Variants in WDR4 observed in about 807,000 individuals in gnomAD.
WDR4 encodes the protein WDR4 tRNA N7-guanosine methyltransferase non-catalytic subunit.
WDR4 carries 47 observed loss-of-function variants against 48.6 expected under a neutral mutation model. The ratio of observed to expected loss-of-function variants is 0.97; its 90% CI spans 0.77 to 1.23. WDR4 has a LOEUF of 1.23. Among genes scored for constraint, WDR4 ranks in the 50% most tolerant of loss-of-function variants. The pLI, the probability that WDR4 is intolerant of heterozygous loss-of-function variation, is 0.00. For missense variants in WDR4, 606 were observed against 551.6 expected, an observed-to-expected ratio of 1.10 and a Z score of -0.99; for synonymous variants, 268 against 230.0, an observed-to-expected ratio of 1.17 and a Z score of -1.49.
the WDR4 span, among the ~76,000 whole-genome samples, chr21:42,884,995 C>T: frequency 1.1e-4 from 17 of 152,106 alleles, no homozygotes; most frequent in African/African-American, 3.9e-4. Flanking sequence ...AGGCTGGTCT[C>T]GAATGCCTGA....
At chr21:42,865,307 G>A (rs1043838012) in intron 3 of WDR4, among the ~76,000 whole-genome samples, 5 of 152,208 alleles carry the variant, frequency 3.3e-5, no homozygotes, top group Non-Finnish European at 7.3e-5. Context: ...GCCCTGCACT[G>A]CACCAGCGAC....
chr21:42,845,108 A>G (rs140134037), downstream of WDR4, among the ~76,000 whole-genome samples: 45 of 152,350 alleles, frequency 3.0e-4, no homozygotes, highest in African/African-American at 1.1e-3. Flanking sequence ...GGGGCCACAC[A>G]TATCTGCACG....
At chr21:42,859,743 G>T (rs1194683251) in intron 5 of WDR4, 21 bp from the exon 6 acceptor site, 1 of 1,553,770 alleles carries the variant, frequency 6.4e-7, no homozygotes, top group Non-Finnish European at 8.7e-7. Flanking sequence ...GAGAGAGAGC[G>T]GCAGAGTCAG....
At chr21:42,876,014 G>C (rs1215325652) in intron 2 of WDR4, among the ~76,000 whole-genome samples, 1 of 143,064 alleles carries the variant, frequency 7.0e-6, no homozygotes, top group African/African-American at 2.7e-5. Context: ...CCGCCTCCTA[G>C]GTTCAAGTGA....
chr21:42,863,440 C>A lies in WDR4; in HGVS notation c.453G>T (p.Val151=). The change falls in exon 4 of 11, where the codon GTG becomes GTT. Residue 151 remains valine (V), a splice_region_variant and synonymous_variant. Coordinates refer to ENST00000398208, the MANE Select transcript of WDR4 (RefSeq NM_018669.6). ...ELGHLSMLLD[V]AVSPDDRFIL... is the part of the protein sequence containing the mutation. ...CCCACCTACCACGTCCCCCACCTACCACATCTAACAGCATAGACAGGTGCC... is the reference window on the plus strand; with the variant it reads ...CCCACCTACCACGTCCCCCACCTACAACATCTAACAGCATAGACAGGTGCC... 1 of 1,608,050 alleles carries A rather than the reference C, an allele frequency of 6.2e-7. No individual in the cohort carries two copies. The highest frequency in any genetic ancestry group is 2.2e-5 in the East Asian group (1 of 44,678).
intron 8 of WDR4, 47 bp from the exon 9 acceptor site, chr21:42,853,799 G>GA: frequency 1.3e-6 from 2 of 1,519,502 alleles, no homozygotes; most frequent in Non-Finnish European, 8.8e-7. Context: ...GCAGGCCCAC[G>GA]GGCTCCGCTC....
intron 3 of WDR4, among the ~76,000 whole-genome samples, chr21:42,863,903 G>C (rs149288965): frequency 7.2e-5 from 9 of 125,808 alleles, no homozygotes; most frequent in African/African-American, 2.4e-4. Context: ...TCAGGAGATT[G>C]AGACCATTCT....
the WDR4 span, among the ~76,000 whole-genome samples, chr21:42,887,146 CCAT>C: frequency 6.6e-6 from 1 of 152,108 alleles, no homozygotes; most frequent in African/African-American, 2.4e-5. Flanking sequence ...GCAAGCACCA[CCAT>C]GCCCGGCTAA....
chr21:42,859,552 A>ATCCAGCCAGGG, intron 6 of WDR4, 110 bp downstream of exon 6: 12 of 625,368 alleles, frequency 1.9e-5, no homozygotes, highest in Non-Finnish European at 3.0e-5. Context: ...GGACAGCCAC[A>ATCCAGCCAGGG]GCCAGCCAGG....
chr21:42,875,924 T>TTTTC (rs1555982241), intron 2 of WDR4, among the ~76,000 whole-genome samples: 1 of 145,768 alleles, frequency 6.9e-6, no homozygotes, highest in East Asian at 2.0e-4. Flanking sequence ...TGCTTTTTTT[T>TTTTC]TTTTTTTTTT....
intron 9 of WDR4, 53 bp from the exon 10 acceptor site, chr21:42,852,377 C>G: frequency 6.3e-7 from 1 of 1,594,386 alleles, no homozygotes. Context: ...CCTGGAAACC[C>G]AGCACCAGGA....
chr21:42,886,551 A>G, the WDR4 span, among the ~76,000 whole-genome samples: 1 of 152,198 alleles, frequency 6.6e-6, no homozygotes, highest in African/African-American at 2.4e-5. Flanking sequence ...TAGATGTTCC[A>G]TGGGCTTTGC....
chr21:42,867,372 C>T (rs1339286750), intron 3 of WDR4, among the ~76,000 whole-genome samples: 1 of 119,214 alleles, frequency 8.4e-6, no homozygotes, highest in Non-Finnish European at 1.7e-5. Flanking sequence ...GCCTGGGTGA[C>T]AAAGAGACAC....
chr21:42,874,977 C>A (rs1036856581), intron 2 of WDR4, among the ~76,000 whole-genome samples: 5 of 152,174 alleles, frequency 3.3e-5, no homozygotes, highest in African/African-American at 1.2e-4. Context: ...GGTTTTACGG[C>A]TCAGGAGGCA....
chr21:42,871,838 T>C (rs544028893), intron 3 of WDR4, among the ~76,000 whole-genome samples: 2 of 152,274 alleles, frequency 1.3e-5, no homozygotes, highest in Admixed American at 1.3e-4. Context: ...ATATTGTAAA[T>C]CACATATACA....
intron 1 of WDR4, 39 bp downstream of exon 1, chr21:42,879,368 C>T: frequency 6.2e-7 from 1 of 1,602,576 alleles, no homozygotes; most frequent in Non-Finnish European, 8.5e-7. Context: ...CGCGCGCCCG[C>T]AGCCTGGTCT....
Position 42,854,514 on chromosome 21 carries a change from C to G in WDR4, c.791+48G>C, listed in dbSNP as rs755146161. 3 of 1,587,364 alleles carry G rather than the reference C, an allele frequency of 1.9e-6. No homozygotes were observed. In the South Asian group the frequency reaches 3.4e-5, roughly 18 times the overall value. On this transcript the variant is annotated intron_variant, in intron 8 of 10. Coordinates refer to ENST00000398208, the MANE Select transcript of WDR4 (RefSeq NM_018669.6). The stretch of plus-strand genomic sequence containing the variant: ...GTGGCCAACCCGCTAACTCTTCCCC[C>G]TGCAGGTCTGCAGAACCGGAGGCCA...
chr21:42,856,089 G>A (rs1484587366), intron 6 of WDR4, among the ~76,000 whole-genome samples: 1 of 152,210 alleles, frequency 6.6e-6, no homozygotes, highest in Non-Finnish European at 1.5e-5. Flanking sequence ...GTTGTCATCC[G>A]CCAGGAGGCC....
At chr21:42,872,145 C>CAGCT (rs2058382635) in intron 3 of WDR4, among the ~76,000 whole-genome samples, 1 of 152,094 alleles carries the variant, frequency 6.6e-6, no homozygotes, top group Non-Finnish European at 1.5e-5. Flanking sequence ...CCACCATGCC[C>CAGCT]AGCTAATTTT....
Sources: gnomAD v4.1 joint callset for allele counts (sites outside exome capture counted in the v4.1 genomes callset) on GRCh38, gnomAD v4.1.1 for gene constraint, MANE v1.5 for transcripts, NCBI Gene and HGNC (gene_info 2026-07-23, HGNC 2026-07-21) for gene names.